Variants in CAMTA1 observed in about 807,000 individuals in gnomAD.
The protein encoded by CAMTA1 is calmodulin binding transcription activator 1.
In CAMTA1, 27 loss-of-function variants were observed where a neutral mutation model predicts 170.9. The observed-to-expected ratio is 0.16, with a 90% CI of 0.12 to 0.22. CAMTA1 has a LOEUF of 0.22. Among genes scored for constraint, CAMTA1 ranks in the 10% least tolerant of loss-of-function variants. The pLI is 1.00. For missense variants in CAMTA1, 1,619 were observed against 2,217.2 expected, an observed-to-expected ratio of 0.73 and a Z score of 5.42; for synonymous variants, 833 against 891.5, an observed-to-expected ratio of 0.93 and a Z score of 1.17.
rs78453436 is a variant in CAMTA1 at position 7,521,250 on chromosome 1, C to G, written c.510+53349C>G. 2.8e-3 allele frequency among the ~76,000 whole-genome samples: 431 copies of G among 152,250 alleles called. 2 individuals are homozygous for G. The highest frequency in any genetic ancestry group is 9.5e-3 in the African/African-American group (396 of 41,548). On this transcript the variant is annotated intron_variant, in intron 6 of 22. Coordinates refer to ENST00000303635, the MANE Select transcript of CAMTA1 (RefSeq NM_015215.4). ...TTTGGCAAAATTAAAAGATGATACCCCATCAGCGCCCCCATTTTTAATTGA... is the reference window on the plus strand; with the variant it reads ...TTTGGCAAAATTAAAAGATGATACCGCATCAGCGCCCCCATTTTTAATTGA...
intron 5 of CAMTA1, among the ~76,000 whole-genome samples, chr1:7,410,821 C>T (rs1036922090): frequency 4.7e-4 from 72 of 152,146 alleles, no homozygotes; most frequent in African/African-American, 1.6e-3. Context: ...CCACACGGGG[C>T]GCTCTGCTGG....
intron 11 of CAMTA1, among the ~76,000 whole-genome samples, chr1:7,706,852 T>C (rs898151195): frequency 1.3e-5 from 2 of 151,894 alleles, no homozygotes; most frequent in African/African-American, 4.8e-5. Flanking sequence ...TTGGCTTTGG[T>C]GATACCCTGG....
chr1:7,450,100 C>G (rs1160883778), intron 5 of CAMTA1, among the ~76,000 whole-genome samples: 2 of 152,156 alleles, frequency 1.3e-5, no homozygotes, highest in Admixed American at 1.3e-4. Flanking sequence ...CCCTTGGGGA[C>G]TGCAGGCACC....
intron 5 of CAMTA1, among the ~76,000 whole-genome samples, chr1:7,398,177 CTCTCTCTCTCTCTCTCTATATA>C (rs1377682194): frequency 1.4e-4 from 6 of 42,150 alleles, no homozygotes; most frequent in African/African-American, 5.7e-4. Context: ...CTCTCTCTCT[CTCTCTCTCTCTCTCTCTATATA>C]TATATATATA....
At chr1:7,162,794 A>G (rs1453094386) in intron 4 of CAMTA1, among the ~76,000 whole-genome samples, 1 of 152,140 alleles carries the variant, frequency 6.6e-6, no homozygotes, top group Non-Finnish European at 1.5e-5. Flanking sequence ...GCTTCTGGAT[A>G]TGTGCCTTCC....
At chr1:6,879,613 CT>C (rs58610375) in intron 3 of CAMTA1, among the ~76,000 whole-genome samples, 422 of 132,846 alleles carry the variant, frequency 3.2e-3, no homozygotes, top group African/African-American at 7.4e-3. Flanking sequence ...TTCCTTTTTT[CT>C]TTTTTTTTTT....
intron 3 of CAMTA1, among the ~76,000 whole-genome samples, chr1:6,997,656 CTTTCT>C (rs1225995051): frequency 6.2e-5 from 8 of 128,400 alleles, no homozygotes; most frequent in Middle Eastern, 4.1e-3. Context: ...CCTTTCTTTT[CTTTCT>C]TTTTTTTTTT....
chr1:7,344,105 G>A (rs908738303), intron 5 of CAMTA1, among the ~76,000 whole-genome samples: 11 of 152,242 alleles, frequency 7.2e-5, no homozygotes, highest in African/African-American at 2.4e-4. Context: ...GGGTGTTGCT[G>A]TCGGGCTCAG....
intron 3 of CAMTA1, among the ~76,000 whole-genome samples, chr1:6,916,659 C>T (rs1680876466): frequency 6.6e-6 from 1 of 152,222 alleles, no homozygotes; most frequent in Admixed American, 6.5e-5. Flanking sequence ...CTGTGTGAGA[C>T]CCATGGTGGG....
chr1:6,974,172 GC>G (rs1420429314), intron 3 of CAMTA1, among the ~76,000 whole-genome samples: 31 of 152,338 alleles, frequency 2.0e-4, no homozygotes, highest in African/African-American at 7.2e-4. Context: ...GCCAGGAGCT[GC>G]AGCAGCATCT....
At chr1:6,921,807 A>G (rs1313666963) in intron 3 of CAMTA1, among the ~76,000 whole-genome samples, 2 of 152,222 alleles carry the variant, frequency 1.3e-5, no homozygotes, top group African/African-American at 2.4e-5. Context: ...TTATAAGAAC[A>G]GCATGAGAAA....
At chr1:6,912,685 C>T (rs1163296671) in intron 3 of CAMTA1, among the ~76,000 whole-genome samples, 2 of 152,232 alleles carry the variant, frequency 1.3e-5, no homozygotes, top group African/African-American at 4.8e-5. Context: ...TGCCTGCTCC[C>T]AGCTCCCTCA....
intron 5 of CAMTA1, among the ~76,000 whole-genome samples, chr1:7,373,295 A>T (rs2086615272): frequency 6.6e-6 from 1 of 152,184 alleles, no homozygotes; most frequent in African/African-American, 2.4e-5. Flanking sequence ...ATGTCGCTGG[A>T]GCTGCCAAAG....
chr1:6,892,535 T>C (rs1674717568), intron 3 of CAMTA1, among the ~76,000 whole-genome samples: 3 of 152,276 alleles, frequency 2.0e-5, no homozygotes, highest in South Asian at 4.1e-4. Flanking sequence ...GAATGTCTTA[T>C]TGAAACCTTG....
intron 15 of CAMTA1, 68 bp downstream of exon 15, chr1:7,737,638 T>G: frequency 7.2e-7 from 1 of 1,383,806 alleles, no homozygotes; most frequent in Non-Finnish European, 9.9e-7. Context: ...GCAGCTGCCC[T>G]CAGCAGAGTC....
intron 5 of CAMTA1, among the ~76,000 whole-genome samples, chr1:7,266,626 A>C (rs1668977905): frequency 6.6e-6 from 1 of 152,220 alleles, no homozygotes; most frequent in Non-Finnish European, 1.5e-5. Context: ...GAAGTCCCTT[A>C]GGAGCCCTGA....
intron 3 of CAMTA1, among the ~76,000 whole-genome samples, chr1:6,843,371 T>A (rs1656669402): frequency 1.3e-5 from 2 of 152,164 alleles, no homozygotes; most frequent in South Asian, 4.1e-4. Flanking sequence ...AGACAGTATT[T>A]TACAAGGTGA....
In CAMTA1 at chr1:7,586,289, C is replaced by T. The variant is rs114029835; in HGVS notation, c.511-54111C>T. ...GCTGGCTGTGGACGCACTCTGAAGACGAAAGTCCAGAAATTAGGGAAATGT... is the reference window on the plus strand; with the variant it reads ...GCTGGCTGTGGACGCACTCTGAAGATGAAAGTCCAGAAATTAGGGAAATGT... On this transcript the variant is annotated intron_variant, in intron 6 of 22. Transcript: ENST00000303635. 7.8e-4 allele frequency among the ~76,000 whole-genome samples: 118 copies of T among 152,256 alleles called. 1 individual carries two copies. Among genetic ancestry groups the T allele is most frequent in the Middle Eastern group, 3.4e-3 (1 of 294 alleles).
chr1:6,990,803 CTCTATA>C (rs909533989), intron 3 of CAMTA1, among the ~76,000 whole-genome samples: 6 of 129,650 alleles, frequency 4.6e-5, no homozygotes, highest in African/African-American at 9.6e-5. Flanking sequence ...CTCTCTCTCT[CTCTATA>C]TATATATATA....
Sources: gnomAD v4.1 joint callset for allele counts (sites outside exome capture counted in the v4.1 genomes callset) on GRCh38, gnomAD v4.1.1 for gene constraint, MANE v1.5 for transcripts, NCBI Gene and HGNC (gene_info 2026-07-23, HGNC 2026-07-21) for gene names.